ICA1L: variants seen among roughly 807,000 people sequenced by gnomAD.
ICA1L encodes the protein islet cell autoantigen 1 like.
A neutral mutation model predicts 61.3 loss-of-function variants in ICA1L; 50 were observed. The observed-to-expected ratio is 0.82, with a 90% CI of 0.65 to 1.03. The LOEUF (loss-of-function observed/expected upper bound fraction) is 1.03. Ranked by LOEUF, ICA1L falls within the 50% of genes least tolerant of loss-of-function variation. ICA1L has a pLI of 0.00. For synonymous variants in ICA1L, 161 were observed against 191.3 expected, an observed-to-expected ratio of 0.84 and a Z score of 1.31; for missense variants, 508 against 556.7, an observed-to-expected ratio of 0.91 and a Z score of 0.88.
At position 202,847,695 on chromosome 2, in the gene ICA1L, T is replaced by TTATATATATATA. The variant is rs80134434; in HGVS notation, c.-7-18691_-7-18680dup. 1.1e-3 allele frequency among the ~76,000 whole-genome samples: 114 copies of TTATATATATATA among 102,222 alleles called. 11 individuals are homozygous for TTATATATATATA. The highest frequency in any genetic ancestry group is 4.2e-3 in the African/African-American group (99 of 23,300). 67.1% of individuals were successfully genotyped at this position (102,222 alleles called of 152,430 possible). On this transcript the variant is annotated intron_variant, in intron 1 of 12. Coordinates refer to ENST00000358299, the MANE Select transcript of ICA1L (RefSeq NM_001288622.3). The stretch of plus-strand genomic sequence containing the variant: ...CTTAGAATGAAATATTATATGGGAA[T>TTATATATATATA]TATATATATATATAGTTAAGCAGTG...
chr2:202,818,085 T>C (rs552146572), intron 5 of ICA1L, among the ~76,000 whole-genome samples: 1 of 152,358 alleles, frequency 6.6e-6, no homozygotes, highest in South Asian at 2.1e-4. Context: ...GGCATTGTTC[T>C]AGGCACTGAG....
intron 5 of ICA1L, among the ~76,000 whole-genome samples, chr2:202,818,993 G>A (rs1279989231): frequency 6.6e-6 from 1 of 152,232 alleles, no homozygotes; most frequent in African/African-American, 2.4e-5. Context: ...CACTGTCAAA[G>A]ATTGTAAAAG....
chr2:202,835,404 C>T (rs1241338764), intron 1 of ICA1L, among the ~76,000 whole-genome samples: 1 of 151,534 alleles, frequency 6.6e-6, no homozygotes, highest in Non-Finnish European at 1.5e-5. Flanking sequence ...CAGGGTTTCA[C>T]CATGTTGGCC....
At chr2:202,840,959 G>A (rs1363452541) in intron 1 of ICA1L, 4 of 699,130 alleles carry the variant, frequency 5.7e-6, no homozygotes, top group Admixed American at 1.8e-5. Flanking sequence ...CCTCAGCCTG[G>A]CTGTGGTTGG....
intron 9 of ICA1L, among the ~76,000 whole-genome samples, chr2:202,811,471 A>C (rs1009211656): frequency 1.3e-5 from 2 of 152,036 alleles, no homozygotes; most frequent in Non-Finnish European, 2.9e-5. Flanking sequence ...CATCCTGGCT[A>C]CTACAGTGAA....
intron 10 of ICA1L, among the ~76,000 whole-genome samples, chr2:202,792,101 G>A (rs984893534): frequency 6.6e-6 from 1 of 152,198 alleles, no homozygotes; most frequent in Non-Finnish European, 1.5e-5. Context: ...CCAGGAAGTG[G>A]AGATGGCAGT....
chr2:202,841,650 C>T (rs1189974087), intron 1 of ICA1L: 1 of 590,154 alleles, frequency 1.7e-6, no homozygotes, highest in Non-Finnish European at 3.2e-6. Flanking sequence ...CTGCTGCCCA[C>T]TCGGGAGAAG....
rs1294892175 is a variant in ICA1L, at chr2:202,871,736, G to C, written c.-125C>G. On this transcript the variant is annotated 5_prime_UTR_variant, in exon 1 of 13. Coordinates refer to ENST00000358299, the MANE Select transcript of ICA1L (RefSeq NM_001288622.3). Reference sequence around the variant, plus strand: ...GACTCCCGGCCCTCCGGCAGCCAGTGCCCCTCCGCACCAGTGCGTGGAGGT... The same window carrying C: ...GACTCCCGGCCCTCCGGCAGCCAGTCCCCCTCCGCACCAGTGCGTGGAGGT... The C allele has an allele frequency of 2.0e-5, 3 of 152,596 alleles. No individual in the cohort carries two copies. The highest frequency in any genetic ancestry group is 7.2e-5 in the African/African-American group (3 of 41,452). The allele number at this position is 152,596 out of a possible 1,614,324, so 9.5% of individuals were successfully genotyped here.
rs1315377394 is a variant in ICA1L, at chr2:202,864,605, ATATG to A, written c.-8+7010_-8+7013del. ...TGTAGTAGTGTGTGTGTATGTATGT[ATATG>A]TGTGTGTGTATATATATATGTGTGT... is the stretch of plus-strand genomic sequence containing the variant. On this transcript the variant is annotated intron_variant, in intron 1 of 12. Coordinates refer to ENST00000358299, the MANE Select transcript of ICA1L (RefSeq NM_001288622.3). 2.0e-5 allele frequency among the ~76,000 whole-genome samples: 3 copies of A among 151,472 alleles called. No individual in the cohort carries two copies. In the East Asian group the frequency reaches 5.8e-4, roughly 29 times the overall value.
chr2:202,827,593 T>A (rs1478416941), intron 2 of ICA1L, among the ~76,000 whole-genome samples: 1 of 152,120 alleles, frequency 6.6e-6, no homozygotes, highest in Non-Finnish European at 1.5e-5. Context: ...TTACACTGAA[T>A]ATAAAACATG....
At chr2:202,867,449 T>C (rs1687548836) in intron 1 of ICA1L, among the ~76,000 whole-genome samples, 1 of 152,178 alleles carries the variant, frequency 6.6e-6, no homozygotes, top group Non-Finnish European at 1.5e-5. Flanking sequence ...TGTAGGCAAC[T>C]GCAACACAAT....
chr2:202,834,945 C>T lies in ICA1L; in HGVS notation c.-7-5929G>A, dbSNP rs530348214. ...TCCTGGGCTCAAGTAATCCTCCCACCTAAGCTTCTGGAGTAGCTGGGACCA... is the reference window on the plus strand; with the variant it reads ...TCCTGGGCTCAAGTAATCCTCCCACTTAAGCTTCTGGAGTAGCTGGGACCA... On this transcript the variant is annotated intron_variant, in intron 1 of 12. Transcript: ENST00000358299. Among the ~76,000 whole-genome samples, 323 of 152,184 alleles carry T rather than the reference C, an allele frequency of 2.1e-3. 2 individuals carry two copies. The highest frequency in any genetic ancestry group is 7.5e-3 in the African/African-American group (310 of 41,518).
At chr2:202,839,558 C>CTGTGTGTGTGTGTGTGTGTGTGTGTG (rs57535958) in intron 1 of ICA1L, among the ~76,000 whole-genome samples, 1 of 114,432 alleles carries the variant, frequency 8.7e-6, no homozygotes, top group Admixed American at 9.4e-5. Flanking sequence ...ACAGTTAAGT[C>CTGTGTGTGTGTGTGTGTGTGTGTGTG]TGTGTGTGTG....
intron 12 of ICA1L, among the ~76,000 whole-genome samples, chr2:202,782,435 T>A (rs1377402092): frequency 6.6e-6 from 1 of 150,996 alleles, no homozygotes; most frequent in Non-Finnish European, 1.5e-5. Context: ...TGAGATGGAG[T>A]CTTGCTCTGT....
At chr2:202,804,627 AAAGATATAG>A (rs778360760) in intron 9 of ICA1L, among the ~76,000 whole-genome samples, 19 of 152,232 alleles carry the variant, frequency 1.2e-4, no homozygotes, top group Non-Finnish European at 2.5e-4. Flanking sequence ...AAAAATTAGT[AAAGATATAG>A]AAGACGTAGA....
intron 2 of ICA1L, among the ~76,000 whole-genome samples, chr2:202,827,119 C>T (rs180701404): frequency 4.1e-4 from 63 of 152,208 alleles, no homozygotes; most frequent in East Asian, 1.4e-3. Flanking sequence ...AAAGGCTGGG[C>T]GCGGTGGCTC....
chr2:202,818,408 C>T (rs1440022160), intron 5 of ICA1L, among the ~76,000 whole-genome samples: 1 of 152,120 alleles, frequency 6.6e-6, no homozygotes, highest in Non-Finnish European at 1.5e-5. Context: ...GGAGGTAGAG[C>T]ACGTTCTTCC....
intron 1 of ICA1L, among the ~76,000 whole-genome samples, chr2:202,847,710 G>C (rs868730459): frequency 1.9e-5 from 1 of 52,722 alleles, no homozygotes; most frequent in Non-Finnish European, 4.1e-5. Flanking sequence ...TATATATATA[G>C]TTAAGCAGTG....
chr2:202,869,282 C>T (rs1386690391), intron 1 of ICA1L, among the ~76,000 whole-genome samples: 1 of 151,914 alleles, frequency 6.6e-6, no homozygotes. Flanking sequence ...GGCGTGAACC[C>T]GGGAGGCGGA....
Sources: gnomAD v4.1 joint callset for allele counts (sites outside exome capture counted in the v4.1 genomes callset) on GRCh38, gnomAD v4.1.1 for gene constraint, MANE v1.5 for transcripts, NCBI Gene and HGNC (gene_info 2026-07-23, HGNC 2026-07-21) for gene names.